The following LYRM4 variants were observed in gnomAD, a reference collection of about 807,000 sequenced individuals.
LYRM4 encodes LYR motif containing 4, also known as LYR motif-containing protein 4.
In LYRM4, 9 loss-of-function variants were observed where a neutral mutation model predicts 11.7. The observed-to-expected ratio is 0.77, with a 90% CI of 0.46 to 1.34. The LOEUF (loss-of-function observed/expected upper bound fraction) is 1.34, where lower values mean the gene tolerates loss of function less well. Ranked by LOEUF, LYRM4 falls within the 40% of genes most tolerant of loss-of-function variation. The pLI, the probability that LYRM4 is intolerant of heterozygous loss-of-function variation, is 0.00. For synonymous variants in LYRM4, 42 were observed against 40.4 expected (o/e 1.04, Z -0.15); for missense variants, 133 against 112.5 (o/e 1.18, Z -0.82).
the LYRM4 span, among the ~76,000 whole-genome samples, chr6:5,067,669 AGACT>A: frequency 6.6e-6 from 1 of 152,230 alleles, no homozygotes; most frequent in African/African-American, 2.4e-5. Flanking sequence ...TGTTTTATAA[AGACT>A]GACTACCATG....
At chr6:5,085,301 G>A in the LYRM4 span, 244 of 538,408 alleles carry the variant, frequency 4.5e-4, 1 homozygote, top group Non-Finnish European at 6.8e-4. Context: ...TTCGCCCTGG[G>A]CAGCCGCAGC....
chr6:5,165,617 A>C (rs1273490495), intron 2 of LYRM4, among the ~76,000 whole-genome samples: 5 of 151,552 alleles, frequency 3.3e-5, no homozygotes, highest in African/African-American at 1.2e-4. Context: ...ATCTCGGCTC[A>C]CTGCAGCCTC....
chr6:5,162,498 C>T (rs1969661), intron 2 of LYRM4, among the ~76,000 whole-genome samples: 10 of 148,596 alleles, frequency 6.7e-5, no homozygotes, highest in Middle Eastern at 3.5e-3. Flanking sequence ...AGAGAGCGAG[C>T]GAGAGAGAGA....
intron 1 of LYRM4, among the ~76,000 whole-genome samples, chr6:5,248,666 ACTG>A (rs1300964038): frequency 6.6e-6 from 1 of 152,166 alleles, no homozygotes; most frequent in African/African-American, 2.4e-5. Flanking sequence ...GTCAGCCACC[ACTG>A]CTTTCTTCAG....
At chr6:5,189,578 C>T (rs1028072222) in intron 2 of LYRM4, among the ~76,000 whole-genome samples, 3 of 152,182 alleles carry the variant, frequency 2.0e-5, no homozygotes, top group African/African-American at 2.4e-5. Flanking sequence ...AAATTCCAGC[C>T]GCAAGGCACC....
chr6:5,193,914 A>C (rs898746868), intron 2 of LYRM4, among the ~76,000 whole-genome samples: 8 of 152,082 alleles, frequency 5.3e-5, no homozygotes, highest in African/African-American at 1.9e-4. Context: ...AATAAAACGG[A>C]TGATCAAAAT....
At chr6:5,083,990 C>T in the LYRM4 span, among the ~76,000 whole-genome samples, 1 of 152,184 alleles carries the variant, frequency 6.6e-6, no homozygotes, top group African/African-American at 2.4e-5. Context: ...CGCTAGGGAG[C>T]TGGGAGCAGT....
At chr6:5,095,884 G>A in the LYRM4 span, among the ~76,000 whole-genome samples, 1 of 152,174 alleles carries the variant, frequency 6.6e-6, no homozygotes, top group Non-Finnish European at 1.5e-5. Context: ...GGAGGCTGAG[G>A]CAGGAGAATC....
At chr6:5,119,426 G>C (rs150069514) in intron 2 of LYRM4, among the ~76,000 whole-genome samples, 13 of 152,174 alleles carry the variant, frequency 8.5e-5, no homozygotes, top group Non-Finnish European at 1.3e-4. Context: ...ACACGCAGTT[G>C]TCCTCACTCT....
At chr6:5,101,968 C>CTTTCTTTTTTTTTTTTTTTTTTTTTT (rs1554124642), downstream of LYRM4, among the ~76,000 whole-genome samples, 2 of 67,988 alleles carry the variant, frequency 2.9e-5, no homozygotes, top group East Asian at 1.3e-3. Context: ...CTAATGCTTT[C>CTTTCTTTTTTTTTTTTTTTTTTTTTT]TTTTTTTTTT....
At chr6:5,232,927 A>G (rs1763326203) in intron 1 of LYRM4, among the ~76,000 whole-genome samples, 1 of 152,192 alleles carries the variant, frequency 6.6e-6, no homozygotes, top group African/African-American at 2.4e-5. Context: ...TGTAGGGTAG[A>G]CCAACTTAAC....
intron 1 of LYRM4, among the ~76,000 whole-genome samples, chr6:5,247,529 T>G (rs2127764915): frequency 6.6e-6 from 1 of 152,334 alleles, no homozygotes; most frequent in South Asian, 2.1e-4. Context: ...CTCTTAGGAA[T>G]CAGATGTGGA....
chr6:5,034,156 G>T, the LYRM4 span: 2 of 152,350 alleles, frequency 1.3e-5, no homozygotes, highest in African/African-American at 2.4e-5. Context: ...ACCTGTGCTG[G>T]ATGAGGTGCC....
At chr6:5,092,007 A>G in the LYRM4 span, among the ~76,000 whole-genome samples, 1 of 152,334 alleles carries the variant, frequency 6.6e-6, no homozygotes, top group South Asian at 2.1e-4. Context: ...ACAGCATACT[A>G]ACATAGCTGG....
intron 2 of LYRM4, among the ~76,000 whole-genome samples, chr6:5,148,499 G>A (rs1002508784): frequency 1.2e-4 from 18 of 151,946 alleles, no homozygotes; most frequent in Non-Finnish European, 7.3e-5. Context: ...ACTCTGTATC[G>A]TAATCCTGAG....
intron 1 of LYRM4, among the ~76,000 whole-genome samples, chr6:5,254,324 C>T (rs565157345): frequency 1.2e-4 from 19 of 152,296 alleles, no homozygotes; most frequent in South Asian, 1.0e-3. Flanking sequence ...GAAAACGCTT[C>T]CTTGACTAGC....
chr6:5,171,151 T>C (rs1430192814), intron 2 of LYRM4, among the ~76,000 whole-genome samples: 1 of 152,254 alleles, frequency 6.6e-6, no homozygotes, highest in Non-Finnish European at 1.5e-5. Flanking sequence ...AAAAAGATTA[T>C]GAATATTCTT....
At chr6:5,183,803 A>G (rs421186) in intron 2 of LYRM4, among the ~76,000 whole-genome samples, 51,985 of 152,114 alleles carry the variant, frequency 0.34, 10,194 homozygotes, top group African/African-American at 0.55. Context: ...TTAATGCTCC[A>G]CTTGAGCTGT....
intron 2 of LYRM4, among the ~76,000 whole-genome samples, chr6:5,194,992 G>A (rs368446177): frequency 1.4e-4 from 22 of 152,296 alleles, no homozygotes; most frequent in Admixed American, 7.2e-4. Flanking sequence ...AACTGTTTAC[G>A]TCATTAGCAA....
Sources: gnomAD v4.1 joint callset for allele counts (sites outside exome capture counted in the v4.1 genomes callset) on GRCh38, gnomAD v4.1.1 for gene constraint, MANE v1.5 for transcripts, NCBI Gene and HGNC (gene_info 2026-07-23, HGNC 2026-07-21) for gene names.